MACROD2: variants seen among roughly 807,000 people sequenced by gnomAD.
MACROD2 encodes ADP-ribose glycohydrolase MACROD2.
MACROD2 carries 36 observed loss-of-function variants against 70.4 expected under a neutral mutation model. That is an observed-to-expected ratio of 0.51 (90% CI 0.39 to 0.68). MACROD2 has a LOEUF of 0.68. Among genes scored for constraint, MACROD2 ranks in the 30% least tolerant of loss-of-function variants. The pLI is 0.00. For missense variants in MACROD2, 496 were observed against 538.4 expected (o/e 0.92, Z 0.78); for synonymous variants, 172 against 178.8 (o/e 0.96, Z 0.30).
rs1600718144 is a variant in MACROD2, at chr20:14,843,953, A to G, written c.418+158994A>G. On this transcript the variant is annotated intron_variant, in intron 5 of 17. Transcript: ENST00000684519. ...TACACCCCTGTGGTCATCTGGTACA[A>G]TTGGTACTGCCATTAGCACCACTTC... is the stretch of plus-strand genomic sequence containing the variant. 2.0e-5 allele frequency among the ~76,000 whole-genome samples: 3 copies of G among 152,066 alleles called. No individual in the cohort carries two copies. The South Asian group carries it at 6.2e-4, about 32-fold the overall frequency.
chr20:14,821,628 C>T (rs1330944457), intron 5 of MACROD2, among the ~76,000 whole-genome samples: 2 of 152,082 alleles, frequency 1.3e-5, no homozygotes, highest in Admixed American at 6.6e-5. Flanking sequence ...CTTTTGTTTT[C>T]CCTAAGTCTA....
chr20:15,001,463 A>C (rs1343758283), intron 5 of MACROD2, among the ~76,000 whole-genome samples: 1 of 152,174 alleles, frequency 6.6e-6, no homozygotes, highest in Non-Finnish European at 1.5e-5. Flanking sequence ...TTAGGGTCTA[A>C]TGGTCAAATC....
intron 3 of MACROD2, among the ~76,000 whole-genome samples, chr20:14,358,531 A>G (rs887111650): frequency 6.6e-6 from 1 of 152,088 alleles, no homozygotes; most frequent in Admixed American, 6.5e-5. Context: ...ATCTCGGCTC[A>G]CGGCAACCTC....
intron 12 of MACROD2, among the ~76,000 whole-genome samples, chr20:15,966,263 G>C (rs932614857): frequency 1.3e-5 from 2 of 152,204 alleles, no homozygotes; most frequent in Non-Finnish European, 2.9e-5. Flanking sequence ...ACATTTGTAA[G>C]TAATCAAGGT....
At chr20:14,352,056 T>C (rs777386827) in intron 3 of MACROD2, among the ~76,000 whole-genome samples, 1 of 152,232 alleles carries the variant, frequency 6.6e-6, no homozygotes, top group Non-Finnish European at 1.5e-5. Context: ...TGAACCATCC[T>C]TACATCCCAG....
intron 6 of MACROD2, among the ~76,000 whole-genome samples, chr20:15,294,515 C>G (rs1233058747): frequency 1.3e-5 from 2 of 152,224 alleles, no homozygotes; most frequent in African/African-American, 4.8e-5. Context: ...TCAGACAACA[C>G]AGGGTGGCTT....
chr20:15,409,184 A>T (rs1466421848), intron 6 of MACROD2, among the ~76,000 whole-genome samples: 1 of 152,168 alleles, frequency 6.6e-6, no homozygotes. Context: ...CTTGAGACCA[A>T]ATGATGGGTG....
intron 3 of MACROD2, among the ~76,000 whole-genome samples, chr20:14,153,858 A>C (rs1445267030): frequency 6.6e-6 from 1 of 152,216 alleles, no homozygotes; most frequent in Non-Finnish European, 1.5e-5. Context: ...TGTTTTAATA[A>C]TATATTTATG....
chr20:15,122,191 AC>A (rs1373442397), intron 5 of MACROD2, among the ~76,000 whole-genome samples: 3 of 152,276 alleles, frequency 2.0e-5, no homozygotes, highest in African/African-American at 7.2e-5. Context: ...CTTCTTTGTG[AC>A]CCTGGCATTA....
At chr20:14,019,059 G>T (rs1479455776) in intron 2 of MACROD2, among the ~76,000 whole-genome samples, 67 of 152,176 alleles carry the variant, frequency 4.4e-4, no homozygotes, top group African/African-American at 1.6e-3. Flanking sequence ...GCAAAACAGG[G>T]CACTCCTTGC....
At chr20:15,820,232 G>A (rs2063924858) in intron 8 of MACROD2, among the ~76,000 whole-genome samples, 1 of 152,068 alleles carries the variant, frequency 6.6e-6, no homozygotes, top group African/African-American at 2.4e-5. Flanking sequence ...GTCTTGCTCT[G>A]TTACCCAGGC....
At chr20:15,461,006 A>ATATATATATATATATATATATTTTTTT in intron 7 of MACROD2, among the ~76,000 whole-genome samples, 14 of 67,004 alleles carry the variant, frequency 2.1e-4, no homozygotes, top group Admixed American at 7.1e-4. Context: ...ATATATATAT[A>ATATATATATATATATATATATTTTTTT]TTTTTTTTTA....
At chr20:15,224,956 T>C (rs2076892702) in intron 5 of MACROD2, among the ~76,000 whole-genome samples, 1 of 139,102 alleles carries the variant, frequency 7.2e-6, no homozygotes, top group Non-Finnish European at 1.6e-5. Flanking sequence ...CGAGACTTTG[T>C]CTTAAAAAAA....
At chr20:15,016,494 G>A (rs1220345841) in intron 5 of MACROD2, among the ~76,000 whole-genome samples, 1 of 151,992 alleles carries the variant, frequency 6.6e-6, no homozygotes, top group Non-Finnish European at 1.5e-5. Flanking sequence ...GGGACACTGG[G>A]GCAGATCCCT....
chr20:14,598,855 G>A (rs1476611035), intron 4 of MACROD2, among the ~76,000 whole-genome samples: 17 of 152,148 alleles, frequency 1.1e-4, no homozygotes, highest in Admixed American at 1.1e-3. Flanking sequence ...ATTCGAAGAT[G>A]AAGAATTATA....
At chr20:14,262,201 A>G (rs1298199827) in intron 3 of MACROD2, among the ~76,000 whole-genome samples, 1 of 152,198 alleles carries the variant, frequency 6.6e-6, no homozygotes, top group Non-Finnish European at 1.5e-5. Flanking sequence ...AAGATCTTTT[A>G]ATCTTGCAGG....
At chr20:15,747,709 G>GACAAA (rs1264837910) in intron 8 of MACROD2, among the ~76,000 whole-genome samples, 1 of 151,936 alleles carries the variant, frequency 6.6e-6, no homozygotes, top group East Asian at 1.9e-4. Flanking sequence ...TCAATTCTCA[G>GACAAA]ATTTTCCACG....
chr20:14,167,079 C>A (rs1285606482), intron 3 of MACROD2, among the ~76,000 whole-genome samples: 2 of 152,072 alleles, frequency 1.3e-5, no homozygotes, highest in Admixed American at 1.3e-4. Context: ...TTTAACATGT[C>A]TTGATTTTCT....
At chr20:16,016,405 G>C (rs902139610) in intron 15 of MACROD2, among the ~76,000 whole-genome samples, 1 of 152,164 alleles carries the variant, frequency 6.6e-6, no homozygotes, top group African/African-American at 2.4e-5. Flanking sequence ...AAATAGACTA[G>C]AAGAAAATTC....
Sources: gnomAD v4.1 joint callset for allele counts (sites outside exome capture counted in the v4.1 genomes callset) on GRCh38, gnomAD v4.1.1 for gene constraint, MANE v1.5 for transcripts, NCBI Gene and HGNC (gene_info 2026-07-23, HGNC 2026-07-21) for gene names.